The following PLS1 variants were observed in gnomAD, a reference collection of about 807,000 sequenced individuals.
The protein encoded by PLS1 is plastin-1.
PLS1 carries 32 observed loss-of-function variants against 73.7 expected under a neutral mutation model. That is an observed-to-expected ratio of 0.43 (90% CI 0.33 to 0.58). The LOEUF is 0.58. PLS1 is among the 20% of genes least tolerant of loss of function. The pLI is 0.04. For synonymous variants in PLS1, 217 were observed against 261.3 expected (o/e 0.83, Z 1.63); for missense variants, 633 against 740.5 (o/e 0.85, Z 1.68).
chr3:142,699,061 T>A, intron 12 of PLS1, among the ~76,000 whole-genome samples: 1 of 151,722 alleles, frequency 6.6e-6, no homozygotes, highest in East Asian at 1.9e-4. Flanking sequence ...TGAGGACACA[T>A]GGACACAGGG....
intron 1 of PLS1, among the ~76,000 whole-genome samples, chr3:142,608,891 T>A (rs186418683): frequency 2.6e-5 from 4 of 152,358 alleles, no homozygotes; most frequent in African/African-American, 9.6e-5. Flanking sequence ...ATGAGCTATG[T>A]GGGAGAACAA....
At chr3:142,606,818 A>G (rs1003834770) in intron 1 of PLS1, among the ~76,000 whole-genome samples, 1 of 152,198 alleles carries the variant, frequency 6.6e-6, no homozygotes, top group African/African-American at 2.4e-5. Context: ...GTGTGGACAT[A>G]TCACATTTTA....
chr3:142,655,468 C>A (rs191869274), intron 1 of PLS1, among the ~76,000 whole-genome samples: 1 of 152,200 alleles, frequency 6.6e-6, no homozygotes, highest in Admixed American at 6.5e-5. Flanking sequence ...TGCCTGTAAT[C>A]CCAGCACTTT....
At chr3:142,611,345 A>G (rs545344386) in intron 1 of PLS1, among the ~76,000 whole-genome samples, 4 of 152,302 alleles carry the variant, frequency 2.6e-5, no homozygotes, top group South Asian at 2.1e-4. Context: ...AAATTGGTCA[A>G]GCATGGTGGC....
intron 8 of PLS1, among the ~76,000 whole-genome samples, chr3:142,684,838 A>G (rs1160892181): frequency 2.0e-5 from 3 of 152,188 alleles, no homozygotes; most frequent in Non-Finnish European, 4.4e-5. Context: ...AGGGGATCTT[A>G]AGGTATGTGC....
At chr3:142,623,148 G>A (rs2036349117) in intron 1 of PLS1, among the ~76,000 whole-genome samples, 1 of 152,136 alleles carries the variant, frequency 6.6e-6, no homozygotes, top group African/African-American at 2.4e-5. Flanking sequence ...TAAAATTAAA[G>A]TGGCAAAGGA....
intron 14 of PLS1, among the ~76,000 whole-genome samples, chr3:142,705,578 T>G (rs1270367615): frequency 1.3e-5 from 2 of 152,268 alleles, no homozygotes; most frequent in Non-Finnish European, 2.9e-5. Flanking sequence ...TTTGTGATTT[T>G]ATTATGTGTG....
intron 1 of PLS1, among the ~76,000 whole-genome samples, chr3:142,631,211 T>C (rs1457830552): frequency 6.6e-6 from 1 of 150,998 alleles, no homozygotes; most frequent in Non-Finnish European, 1.5e-5. Flanking sequence ...ATCCTGTCTC[T>C]ATAAAAAATA....
chr3:142,641,630 T>A (rs1018310231), intron 1 of PLS1, among the ~76,000 whole-genome samples: 5 of 152,146 alleles, frequency 3.3e-5, no homozygotes, highest in African/African-American at 1.2e-4. Flanking sequence ...AATTTTTGTC[T>A]GTGTAAGTTT....
chr3:142,661,668 G>A (rs912133175), intron 1 of PLS1, among the ~76,000 whole-genome samples: 1 of 152,140 alleles, frequency 6.6e-6, no homozygotes, highest in African/African-American at 2.4e-5. Flanking sequence ...GTTTATAAAA[G>A]TGTATAAAAA....
intron 1 of PLS1, among the ~76,000 whole-genome samples, chr3:142,638,744 T>C (rs1305238595): frequency 1.4e-5 from 1 of 71,420 alleles, no homozygotes; most frequent in Non-Finnish European, 3.0e-5. Flanking sequence ...TTTTATTTTA[T>C]TTTATTTTAT....
intron 1 of PLS1, among the ~76,000 whole-genome samples, chr3:142,608,398 C>G (rs9816275): frequency 0.22 from 33,247 of 152,056 alleles, 4,562 homozygotes; most frequent in African/African-American, 0.39. Context: ...TAGAAATTCA[C>G]ATTAACTTTT....
At chr3:142,596,611 C>T (rs1242215658) in intron 1 of PLS1, 102 bp downstream of exon 1, 2 of 152,430 alleles carry the variant, frequency 1.3e-5, no homozygotes, top group East Asian at 1.9e-4. Context: ...GGGGCAGTAT[C>T]TCCGGGTCCC....
At chr3:142,613,917 T>C (rs2036166883) in intron 1 of PLS1, among the ~76,000 whole-genome samples, 1 of 152,214 alleles carries the variant, frequency 6.6e-6, no homozygotes, top group South Asian at 2.1e-4. Flanking sequence ...TTTTATTTGC[T>C]TTATGTATAA....
intron 1 of PLS1, among the ~76,000 whole-genome samples, chr3:142,617,847 A>G (rs1175280397): frequency 6.6e-6 from 1 of 152,118 alleles, no homozygotes; most frequent in Admixed American, 6.5e-5. Flanking sequence ...GCTTGGTGGC[A>G]TGTGTCTGTA....
At chr3:142,655,412 T>C (rs1456556087) in intron 1 of PLS1, among the ~76,000 whole-genome samples, 1 of 152,088 alleles carries the variant, frequency 6.6e-6, no homozygotes, top group Admixed American at 6.6e-5. Flanking sequence ...TGTAGGAGAT[T>C]GTCAGGCCTC....
chr3:142,656,120 C>T (rs937344374), intron 1 of PLS1, among the ~76,000 whole-genome samples: 1 of 152,122 alleles, frequency 6.6e-6, no homozygotes, highest in African/African-American at 2.4e-5. Flanking sequence ...TGCCATCAGG[C>T]CTGGCTAATT....
intron 10 of PLS1, among the ~76,000 whole-genome samples, chr3:142,692,139 G>A (rs1243277503): frequency 6.6e-6 from 1 of 152,078 alleles, no homozygotes; most frequent in African/African-American, 2.4e-5. Flanking sequence ...CAGGGAGGGA[G>A]GAGGAAAGCA....
chr3:142,669,611 A>G (rs770694215), intron 3 of PLS1, 58 bp downstream of exon 3: 3 of 1,209,102 alleles, frequency 2.5e-6, no homozygotes, highest in Non-Finnish European at 3.5e-6. Flanking sequence ...GAATTGTAGT[A>G]ATGTCATCAC....
Sources: gnomAD v4.1 joint callset for allele counts (sites outside exome capture counted in the v4.1 genomes callset) on GRCh38, gnomAD v4.1.1 for gene constraint, MANE v1.5 for transcripts, NCBI Gene and HGNC (gene_info 2026-07-23, HGNC 2026-07-21) for gene names.